CLYBL: variants seen among roughly 807,000 people sequenced by gnomAD.
The protein encoded by CLYBL is citramalyl-CoA lyase.
CLYBL carries 31 observed loss-of-function variants against 38.9 expected under a neutral mutation model. The observed-to-expected ratio is 0.80, with a 90% CI of 0.60 to 1.08. The LOEUF is 1.08. Among genes scored for constraint, CLYBL ranks in the 50% least tolerant of loss-of-function variants. The pLI, the probability that CLYBL is intolerant of heterozygous loss-of-function variation, is 0.00. For synonymous variants in CLYBL, 171 were observed against 158.6 expected (o/e 1.08, Z -0.59); for missense variants, 434 against 411.6 (o/e 1.05, Z -0.47).
At chr13:99,664,166 T>C (rs1258423998) in intron 1 of CLYBL, among the ~76,000 whole-genome samples, 2 of 152,250 alleles carry the variant, frequency 1.3e-5, no homozygotes, top group African/African-American at 4.8e-5. Context: ...GAGCTTGATG[T>C]CTCTTCGGCT....
rs180997934 is a variant in CLYBL, at chr13:99,755,769, T to C, written c.63-17055T>C. Among the ~76,000 whole-genome samples, 354 of 152,310 alleles carry C rather than the reference T, an allele frequency of 2.3e-3. 2 individuals are homozygous for C. The highest frequency in any genetic ancestry group is 3.4e-3 in the Non-Finnish European group (228 of 68,030). On this transcript the variant is annotated intron_variant, in intron 1 of 8. Coordinates refer to ENST00000339105, the MANE Select transcript of CLYBL (RefSeq NM_206808.5). ...TTGGCACACCCCCTCAGTTTGGACA[T>C]TCCCATTGCCTCTCTAGTCACTGTC...
chr13:99,795,624 A>C (rs2050006621), intron 2 of CLYBL, among the ~76,000 whole-genome samples: 1 of 152,220 alleles, frequency 6.6e-6, no homozygotes, highest in South Asian at 2.1e-4. Flanking sequence ...ACCAAACTCC[A>C]GCCTGGGTGA....
At chr13:99,727,189 C>T (rs954888513) in intron 1 of CLYBL, 1 of 151,796 alleles carries the variant, frequency 6.6e-6, no homozygotes, top group African/African-American at 2.4e-5. Context: ...TTTCTGTGCA[C>T]AATACCTCAA....
At chr13:99,900,693 T>TC (rs1158759311), downstream of CLYBL, among the ~76,000 whole-genome samples, 3 of 152,230 alleles carry the variant, frequency 2.0e-5, no homozygotes, top group Middle Eastern at 3.4e-3. Context: ...AGCTTCCTCC[T>TC]CCCTCGAGCT....
At chr13:99,739,994 A>C (rs1172436462) in intron 1 of CLYBL, among the ~76,000 whole-genome samples, 1 of 151,244 alleles carries the variant, frequency 6.6e-6, no homozygotes, top group Non-Finnish European at 1.5e-5. Flanking sequence ...ACAAAAAAAC[A>C]AAAAAACTGT....
At position 99,736,038 on chromosome 13, in the gene CLYBL, CTTTTTTTTTTTT is replaced by C. The variant is rs767129851; in HGVS notation, c.63-36773_63-36762del. Among the ~76,000 whole-genome samples, 15 of 76,172 alleles carry C rather than the reference CTTTTTTTTTTTT, an allele frequency of 2.0e-4. No individual in the cohort carries two copies. The South Asian group carries it at 2.1e-3, about 11-fold the overall frequency. The allele number at this position is 76,172 out of a possible 152,430, so 50.0% of individuals were successfully genotyped here. ...TTACTATATCCTATACGTTTCTTTT[CTTTTTTTTTTTT>C]TTTTTTTTTTTTGAGCTGGAATCTC... On this transcript the variant is annotated intron_variant, in intron 1 of 8. Coordinates refer to ENST00000339105, the MANE Select transcript of CLYBL (RefSeq NM_206808.5).
At chr13:99,792,662 G>A (rs547946087) in intron 2 of CLYBL, among the ~76,000 whole-genome samples, 5 of 151,798 alleles carry the variant, frequency 3.3e-5, no homozygotes, top group South Asian at 2.1e-4. Context: ...AAGAAGGTGA[G>A]TGGTTGTGGA....
intron 2 of CLYBL, among the ~76,000 whole-genome samples, chr13:99,854,954 A>G (rs954329334): frequency 1.3e-5 from 2 of 152,170 alleles, no homozygotes; most frequent in African/African-American, 4.8e-5. Context: ...TATCGATTGA[A>G]TGCGGCAACT....
chr13:99,875,829 T>C (rs1164284111), intron 7 of CLYBL, among the ~76,000 whole-genome samples: 1 of 152,186 alleles, frequency 6.6e-6, no homozygotes, highest in Non-Finnish European at 1.5e-5. Flanking sequence ...TAAAGGGACA[T>C]AACTCTGTTT....
chr13:99,772,264 C>A (rs928894287), intron 1 of CLYBL, among the ~76,000 whole-genome samples: 1 of 152,204 alleles, frequency 6.6e-6, no homozygotes, highest in Admixed American at 6.5e-5. Flanking sequence ...CATACACCCT[C>A]CTCTTTGTCT....
chr13:99,750,213 A>G (rs754349415), intron 1 of CLYBL, among the ~76,000 whole-genome samples: 147 of 152,184 alleles, frequency 9.7e-4, no homozygotes, highest in Non-Finnish European at 2.0e-3. Flanking sequence ...GCCCCCTCAA[A>G]GGATTGGAGA....
rs546935995 is a variant in CLYBL at position 99,730,373 on chromosome 13, G to A, written c.63-42451G>A. Among the ~76,000 whole-genome samples the A allele has an allele frequency of 3.3e-5, 5 of 152,348 alleles. No individual in the cohort carries two copies. The East Asian group carries it at 9.6e-4, about 29-fold the overall frequency. ...CAGGGGAGGTGCAGCACGCTCATGG[G>A]GGCAGCCCAGCACTGCCCAGGTGGC... On this transcript the variant is annotated intron_variant, in intron 1 of 8. Transcript: ENST00000339105.
At chr13:99,726,306 A>G (rs1449676108) in intron 1 of CLYBL, 2 of 152,204 alleles carry the variant, frequency 1.3e-5, no homozygotes, top group Admixed American at 6.5e-5. Flanking sequence ...CATAATTATC[A>G]TTGTAATTAG....
chr13:99,773,050 G>C, intron 2 of CLYBL, 40 bp downstream of exon 2: 1 of 1,566,118 alleles, frequency 6.4e-7, no homozygotes, highest in Non-Finnish European at 8.7e-7. Flanking sequence ...GAAAGGTATT[G>C]AAATTTGCTT....
At chr13:99,762,598 A>G (rs117732300) in intron 1 of CLYBL, among the ~76,000 whole-genome samples, 1,634 of 152,300 alleles carry the variant, frequency 0.011, 16 homozygotes, top group East Asian at 0.08. Flanking sequence ...GAAGTCAGGT[A>G]GTGTGATGCT....
chr13:99,721,529 C>T (rs958277577), intron 1 of CLYBL, among the ~76,000 whole-genome samples: 2 of 151,566 alleles, frequency 1.3e-5, no homozygotes, highest in Non-Finnish European at 2.9e-5. Flanking sequence ...GCACAACGTG[C>T]AGGTTTGTAA....
intron 7 of CLYBL, among the ~76,000 whole-genome samples, chr13:99,876,069 C>CTTTTTTTTT (rs10625169): frequency 9.4e-5 from 10 of 106,654 alleles, no homozygotes; most frequent in African/African-American, 1.1e-4. Flanking sequence ...TTCTATTTCA[C>CTTTTTTTTT]TTTTTTTTTT....
chr13:99,779,463 C>G (rs1162097463), intron 2 of CLYBL, among the ~76,000 whole-genome samples: 2 of 152,074 alleles, frequency 1.3e-5, no homozygotes, highest in Admixed American at 1.3e-4. Context: ...TTTTAATTGT[C>G]ATTTATTTGG....
intron 2 of CLYBL, among the ~76,000 whole-genome samples, chr13:99,803,790 A>G (rs985000631): frequency 2.6e-5 from 4 of 152,170 alleles, no homozygotes; most frequent in South Asian, 4.1e-4. Context: ...TCCTTTGCAC[A>G]TGAACTGTCA....
Sources: allele counts gnomAD v4.1 joint callset (sites outside exome capture counted in the v4.1 genomes callset), GRCh38; gene constraint gnomAD v4.1.1; transcripts MANE v1.5; gene names NCBI Gene and HGNC (gene_info 2026-07-23, HGNC 2026-07-21).